The following RGS6 variants were observed in gnomAD, a reference collection of about 807,000 sequenced individuals.
RGS6 encodes the protein regulator of G-protein signaling 6.
A neutral mutation model predicts 78.5 loss-of-function variants in RGS6; 30 were observed. The observed-to-expected ratio is 0.38, with a 90% CI of 0.29 to 0.52. The LOEUF (loss-of-function observed/expected upper bound fraction) is 0.52. RGS6 is among the 20% of genes least tolerant of loss of function. The pLI, the probability that RGS6 is intolerant of heterozygous loss-of-function variation, is 0.85. For missense variants in RGS6, 495 were observed against 609.7 expected (o/e 0.81, Z 1.98); for synonymous variants, 206 against 206.0 (o/e 1.00, Z 0.00).
In RGS6 at chr14:71,944,978, C is replaced by T. The variant is rs541903603; in HGVS notation, c.-21+12037C>T. Among the ~76,000 whole-genome samples, 187 of 152,242 alleles carry T rather than the reference C, an allele frequency of 1.2e-3. 2 individuals are homozygous for T. Among genetic ancestry groups the T allele is most frequent in the Non-Finnish European group, 1.3e-3 (90 of 68,028 alleles). On this transcript the variant is annotated intron_variant, in intron 1 of 17. Coordinates refer to ENST00000553525, the MANE Select transcript of RGS6 (RefSeq NM_001204424.2). ...TGTTTTGTACTTAAATATATCTAAACATGGAAAAGATACAGTAACAATATG... is the reference window on the plus strand; with the variant it reads ...TGTTTTGTACTTAAATATATCTAAATATGGAAAAGATACAGTAACAATATG...
intron 2 of RGS6, among the ~76,000 whole-genome samples, chr14:72,167,467 G>A (rs1228132150): frequency 6.6e-6 from 1 of 152,180 alleles, no homozygotes. Flanking sequence ...TATTACACAA[G>A]CACGTAAACA....
At chr14:72,108,799 G>A (rs866027047) in intron 2 of RGS6, among the ~76,000 whole-genome samples, 11 of 151,514 alleles carry the variant, frequency 7.3e-5, no homozygotes, top group African/African-American at 2.4e-4. Context: ...CATGTCTAGC[G>A]TGTTTTCTTA....
chr14:72,120,915 C>T (rs1421647437), intron 2 of RGS6, among the ~76,000 whole-genome samples: 1 of 152,154 alleles, frequency 6.6e-6, no homozygotes, highest in African/African-American at 2.4e-5. Flanking sequence ...TCACGTGGAA[C>T]ACCTAAGGTG....
intron 2 of RGS6, among the ~76,000 whole-genome samples, chr14:72,080,916 T>TG (rs754367000): frequency 7.0e-4 from 106 of 152,290 alleles, no homozygotes; most frequent in Admixed American, 1.1e-3. Context: ...TTTTGATTAC[T>TG]GTAGCTTTGT....
intron 2 of RGS6, among the ~76,000 whole-genome samples, chr14:72,238,918 C>T (rs1052293621): frequency 6.6e-6 from 1 of 152,182 alleles, no homozygotes; most frequent in Non-Finnish European, 1.5e-5. Flanking sequence ...CGGTTGTTAC[C>T]AGTGGAAGGT....
intron 2 of RGS6, among the ~76,000 whole-genome samples, chr14:72,263,118 A>G (rs1166836202): frequency 3.3e-5 from 5 of 152,182 alleles, no homozygotes; most frequent in Non-Finnish European, 7.3e-5. Context: ...GAGAGGACCA[A>G]ATGAAAGATT....
chr14:72,190,765 A>T (rs2097313382), intron 2 of RGS6, among the ~76,000 whole-genome samples: 1 of 152,232 alleles, frequency 6.6e-6, no homozygotes, highest in Admixed American at 6.5e-5. Flanking sequence ...GCCTTACAAC[A>T]GGTTGTGCAG....
At chr14:72,302,745 C>A (rs1394730152) in intron 2 of RGS6, among the ~76,000 whole-genome samples, 1 of 152,114 alleles carries the variant, frequency 6.6e-6, no homozygotes, top group East Asian at 1.9e-4. Flanking sequence ...GTCCTTCCTG[C>A]CTTCAGTTTC....
chr14:71,876,322 G>A, the RGS6 span, among the ~76,000 whole-genome samples: 1 of 152,078 alleles, frequency 6.6e-6, no homozygotes, highest in Non-Finnish European at 1.5e-5. Context: ...TGTGAATCCA[G>A]ATGCTCCTGT....
chr14:72,405,396 A>G (rs1219679992), intron 3 of RGS6, among the ~76,000 whole-genome samples: 1 of 152,184 alleles, frequency 6.6e-6, no homozygotes, highest in African/African-American at 2.4e-5. Flanking sequence ...TTATCCCCCT[A>G]CATTTCCTTA....
At chr14:72,116,597 T>G (rs2095891848) in intron 2 of RGS6, among the ~76,000 whole-genome samples, 1 of 151,940 alleles carries the variant, frequency 6.6e-6, no homozygotes, top group Admixed American at 6.6e-5. Flanking sequence ...TCATCCTCAG[T>G]TGAGAACCTG....
intron 2 of RGS6, among the ~76,000 whole-genome samples, chr14:72,275,066 T>A (rs747463683): frequency 1.3e-5 from 2 of 152,220 alleles, no homozygotes; most frequent in Non-Finnish European, 2.9e-5. Flanking sequence ...CAAACCACTG[T>A]ATGATCATCT....
At chr14:72,580,617 T>G in the RGS6 span, among the ~76,000 whole-genome samples, 102 of 152,292 alleles carry the variant, frequency 6.7e-4, no homozygotes, top group South Asian at 4.4e-3. Flanking sequence ...CCAAGAATGT[T>G]TGAAGGTTAT....
intron 3 of RGS6, among the ~76,000 whole-genome samples, chr14:72,368,728 G>A (rs1428637323): frequency 6.6e-6 from 1 of 152,078 alleles, no homozygotes; most frequent in African/African-American, 2.4e-5. Context: ...CTTAGTCTTT[G>A]TTACTCTTCT....
At chr14:72,130,318 G>A (rs1458478341) in intron 2 of RGS6, among the ~76,000 whole-genome samples, 1 of 152,124 alleles carries the variant, frequency 6.6e-6, no homozygotes, top group Non-Finnish European at 1.5e-5. Context: ...GTTCAAGAGT[G>A]AACAATGCAG....
chr14:71,890,954 T>C, the RGS6 span, among the ~76,000 whole-genome samples: 1 of 152,108 alleles, frequency 6.6e-6, no homozygotes, highest in African/African-American at 2.4e-5. Context: ...TCTGGGAAAA[T>C]GAAATGTGAG....
intron 2 of RGS6, among the ~76,000 whole-genome samples, chr14:72,185,149 CG>C (rs1018052033): frequency 4.6e-5 from 7 of 152,090 alleles, no homozygotes; most frequent in African/African-American, 1.7e-4. Flanking sequence ...CCAGAAGACT[CG>C]GCAAGTCTAG....
At chr14:71,895,558 G>T in the RGS6 span, among the ~76,000 whole-genome samples, 5 of 152,214 alleles carry the variant, frequency 3.3e-5, no homozygotes, top group Non-Finnish European at 5.9e-5. Context: ...GTCAAAGGTT[G>T]TTAAGCAACT....
chr14:72,039,991 T>G (rs777346001), intron 2 of RGS6, among the ~76,000 whole-genome samples: 2 of 152,030 alleles, frequency 1.3e-5, no homozygotes, highest in Non-Finnish European at 1.5e-5. Context: ...TTCCTTTACA[T>G]CCCCCGTCCT....
Sources: allele counts gnomAD v4.1 joint callset (sites outside exome capture counted in the v4.1 genomes callset), GRCh38; gene constraint gnomAD v4.1.1; transcripts MANE v1.5; gene names NCBI Gene and HGNC (gene_info 2026-07-23, HGNC 2026-07-21).